ZSCAN5A: variants seen among roughly 807,000 people sequenced by gnomAD.
ZSCAN5A encodes zinc finger and SCAN domain containing 5A, also known as zinc finger and SCAN domain-containing protein 5A.
Under a neutral mutation model 23.7 loss-of-function variants are expected in ZSCAN5A, and 12 were observed. The observed-to-expected ratio is 0.51, with a 90% CI of 0.32 to 0.82. The LOEUF (loss-of-function observed/expected upper bound fraction) is 0.82. Ranked by LOEUF, ZSCAN5A falls within the 40% of genes least tolerant of loss-of-function variation. The pLI is 0.03. For synonymous variants in ZSCAN5A, 257 were observed against 239.9 expected (o/e 1.07, Z -0.66); for missense variants, 597 against 617.9 (o/e 0.97, Z 0.36).
intron 2 of ZSCAN5A, chr19:56,281,555 G>A (rs2038708444): frequency 3.5e-5 from 10 of 289,292 alleles, no homozygotes; most frequent in African/African-American, 4.5e-5. Flanking sequence ...ATAACAACAG[G>A]CAAATAAATG....
intron 2 of ZSCAN5A, among the ~76,000 whole-genome samples, chr19:56,353,805 A>C (rs532988034): frequency 6.6e-6 from 1 of 152,032 alleles, no homozygotes; most frequent in South Asian, 2.1e-4. Flanking sequence ...AAAATAAAAA[A>C]TAAATAAATA....
intron 2 of ZSCAN5A, chr19:56,312,236 T>TA (rs1281647799): frequency 1.3e-5 from 2 of 152,236 alleles, no homozygotes; most frequent in African/African-American, 4.8e-5. Context: ...CATTTATAGT[T>TA]AAAGAGTAGA....
chr19:56,358,777 A>G (rs1339517032), intron 2 of ZSCAN5A, among the ~76,000 whole-genome samples: 1 of 152,216 alleles, frequency 6.6e-6, no homozygotes, highest in Non-Finnish European at 1.5e-5. Context: ...AATTCACTCA[A>G]AAACACGTAA....
At chr19:56,273,878 T>A (rs2038045631) in intron 2 of ZSCAN5A, among the ~76,000 whole-genome samples, 1 of 152,174 alleles carries the variant, frequency 6.6e-6, no homozygotes, top group Non-Finnish European at 1.5e-5. Context: ...TGTGCATGTA[T>A]GTGTGTTTCT....
chr19:56,308,069 C>T (rs148782531), intron 2 of ZSCAN5A, among the ~76,000 whole-genome samples: 1 of 152,396 alleles, frequency 6.6e-6, no homozygotes, highest in Non-Finnish European at 1.5e-5. Flanking sequence ...GGGTCTCGCT[C>T]TGTCGCCAGG....
intron 2 of ZSCAN5A, among the ~76,000 whole-genome samples, chr19:56,349,519 A>G (rs970075422): frequency 6.6e-6 from 1 of 152,012 alleles, no homozygotes; most frequent in African/African-American, 2.4e-5. Context: ...ACATGGTGAA[A>G]CCCTGTTTCT....
At chr19:56,274,703 T>C (rs183852853) in intron 2 of ZSCAN5A, 12 of 152,312 alleles carry the variant, frequency 7.9e-5, no homozygotes, top group South Asian at 6.2e-4. Flanking sequence ...TTTCTACTAA[T>C]AGAAAAACTA....
At chr19:56,349,704 C>CAAAAAAA (rs3059533) in intron 2 of ZSCAN5A, among the ~76,000 whole-genome samples, 1 of 30,904 alleles carries the variant, frequency 3.2e-5, no homozygotes, top group Non-Finnish European at 6.4e-5. Context: ...AACTCCGTCT[C>CAAAAAAA]AAAAAAAAAA....
chr19:56,363,461 A>G (rs1013668246), intron 1 of ZSCAN5A: 1 of 152,246 alleles, frequency 6.6e-6, no homozygotes, highest in African/African-American at 2.4e-5. Context: ...AAGCAACTTC[A>G]AAACTGGGTA....
intron 2 of ZSCAN5A, among the ~76,000 whole-genome samples, chr19:56,226,353 A>G (rs574682643): frequency 6.6e-6 from 1 of 152,278 alleles, no homozygotes; most frequent in African/African-American, 2.4e-5. Flanking sequence ...TGCAAAACAT[A>G]AGCAACTCAA....
chr19:56,247,758 C>T (rs906915900), intron 2 of ZSCAN5A, among the ~76,000 whole-genome samples: 3 of 152,124 alleles, frequency 2.0e-5, no homozygotes, highest in African/African-American at 7.2e-5. Context: ...GTGGTGCGAT[C>T]TCGGCTCACT....
chr19:56,228,519 C>T (rs1337788388), intron 2 of ZSCAN5A: 6 of 906,150 alleles, frequency 6.6e-6, no homozygotes, highest in Non-Finnish European at 7.9e-6. Context: ...AGTTGTCATA[C>T]TGCTGAAGTA....
intron 2 of ZSCAN5A, among the ~76,000 whole-genome samples, chr19:56,279,328 G>A (rs1393856292): frequency 6.6e-6 from 1 of 152,084 alleles, no homozygotes; most frequent in African/African-American, 2.4e-5. Context: ...GTTCCTAGAG[G>A]GCAGGGACTG....
At chr19:56,227,629 G>C (rs1263835394) in intron 2 of ZSCAN5A, among the ~76,000 whole-genome samples, 1 of 152,228 alleles carries the variant, frequency 6.6e-6, no homozygotes, top group Admixed American at 6.5e-5. Flanking sequence ...ATTCAATTCT[G>C]GGAGTATATA....
intron 2 of ZSCAN5A, chr19:56,295,967 G>C (rs2039846156): frequency 6.5e-6 from 1 of 152,722 alleles, no homozygotes; most frequent in Non-Finnish European, 1.5e-5. Flanking sequence ...AGAGATCCTA[G>C]GTGACACCTC....
chr19:56,313,955 C>G (rs1429487017), intron 1 of ZSCAN5A, among the ~76,000 whole-genome samples: 2 of 152,104 alleles, frequency 1.3e-5, no homozygotes, highest in Non-Finnish European at 2.9e-5. Context: ...GACTTCAGCC[C>G]CCAGGGGACA....
At chr19:56,334,731 C>A (rs2041519287) in intron 2 of ZSCAN5A, among the ~76,000 whole-genome samples, 1 of 152,094 alleles carries the variant, frequency 6.6e-6, no homozygotes, top group South Asian at 2.1e-4. Context: ...GGACTCCTAG[C>A]AAACCACAGC....
intron 2 of ZSCAN5A, among the ~76,000 whole-genome samples, chr19:56,298,574 A>C (rs2040029461): frequency 6.6e-6 from 1 of 151,446 alleles, no homozygotes. Context: ...AATCACTTGA[A>C]CCTGGGAGGC....
chr19:56,340,295 C>G (rs2041581618), intron 2 of ZSCAN5A, among the ~76,000 whole-genome samples: 1 of 152,254 alleles, frequency 6.6e-6, no homozygotes, highest in East Asian at 1.9e-4. Flanking sequence ...AAATGTCTCT[C>G]AAGGCAGTGC....
Sources: allele counts gnomAD v4.1 joint callset (sites outside exome capture counted in the v4.1 genomes callset), GRCh38; gene constraint gnomAD v4.1.1; transcripts MANE v1.5; gene names NCBI Gene and HGNC (gene_info 2026-07-23, HGNC 2026-07-21).